The following IFI44 variants were observed in gnomAD, a reference collection of about 807,000 sequenced individuals.
The protein encoded by IFI44 is interferon-induced protein 44.
In IFI44, 42 loss-of-function variants were observed where a neutral mutation model predicts 45.0. That is an observed-to-expected ratio of 0.93 (90% confidence interval 0.73 to 1.21). IFI44 has a LOEUF of 1.21. Ranked by LOEUF, IFI44 falls within the 50% of genes most tolerant of loss-of-function variation. IFI44 has a pLI of 0.00. For synonymous variants in IFI44, 221 were observed against 188.6 expected (o/e 1.17, Z -1.41); for missense variants, 623 against 525.8 (o/e 1.18, Z -1.81).
chr1:78,654,988 TG>T (rs749046582), intron 3 of IFI44, 25 bp from the exon 4 acceptor site: 2 of 1,493,572 alleles, frequency 1.3e-6, no homozygotes, highest in Non-Finnish European at 1.8e-6. Context: ...CTCAGTCAAT[TG>T]TTAAAAACGG....
chr1:78,662,248 G>A (rs915496451), intron 7 of IFI44, among the ~76,000 whole-genome samples: 2 of 152,142 alleles, frequency 1.3e-5, no homozygotes, highest in Non-Finnish European at 2.9e-5. Context: ...CATTTTACAA[G>A]TGAGGAAACA....
In IFI44 at chr1:78,655,032, G is replaced by C. The variant is rs751499879; in HGVS notation, c.513G>C (p.Leu171=). Residue 171 remains leucine (L), a synonymous_variant, in exon 4 of 9, where the codon CTG becomes CTC. Coordinates refer to ENST00000370747, the MANE Select transcript of IFI44 (RefSeq NM_006417.5). ...KGVIELRKSL[L]SALRTYEPYG... is the part of the protein sequence containing the mutation. ...TAAACAGGCTCAGGAAGAGCTTACT[G>C]TCTGCCTTGAGAACTTATGAACCAT... 3 of 1,612,858 alleles carry C rather than the reference G, an allele frequency of 1.9e-6. No homozygotes were observed. The highest frequency in any genetic ancestry group is 1.7e-4 in the Middle Eastern group (1 of 6,008).
chr1:78,654,656 C>T (rs1647179465), intron 3 of IFI44, among the ~76,000 whole-genome samples: 1 of 151,728 alleles, frequency 6.6e-6, no homozygotes, highest in African/African-American at 2.4e-5. Flanking sequence ...CTTTCATGAA[C>T]TTCAGAAGTC....
In IFI44 at chr1:78,660,469, G is replaced by A; in HGVS notation, c.1013-85G>A. 4 of 987,674 alleles carry A rather than the reference G, an allele frequency of 4.0e-6. 1 individual carries two copies. In the South Asian group the frequency reaches 5.9e-5, roughly 15 times the overall value. 61.2% of individuals were successfully genotyped at this position (987,674 alleles called of 1,614,324 possible). ...TTTCCAAATCTGAAATTGTTCCATAGGTTGCCTATTACATAATTGATAGTT... is the reference window on the plus strand; with the variant it reads ...TTTCCAAATCTGAAATTGTTCCATAAGTTGCCTATTACATAATTGATAGTT... On this transcript the variant is annotated intron_variant, in intron 6 of 8. Coordinates refer to ENST00000370747, the MANE Select transcript of IFI44 (RefSeq NM_006417.5).
chr1:78,661,829 A>G (rs1429403443), intron 7 of IFI44, among the ~76,000 whole-genome samples: 5 of 152,190 alleles, frequency 3.3e-5, no homozygotes, highest in Non-Finnish European at 5.9e-5. Flanking sequence ...ATGAAGAGAC[A>G]AAAAGGGCCA....
In IFI44 at chr1:78,663,929, A is replaced by G. The variant is rs1647618268; in HGVS notation, c.*118A>G. ...AAAGGGATGTGTTTTATTAATGTCTAGGATGAAGAAATGCATAGAACATTG... is the reference window on the plus strand; with the variant it reads ...AAAGGGATGTGTTTTATTAATGTCTGGGATGAAGAAATGCATAGAACATTG... On this transcript the variant is annotated 3_prime_UTR_variant, in exon 9 of 9. Coordinates refer to ENST00000370747, the MANE Select transcript of IFI44 (RefSeq NM_006417.5). 7.2e-6 allele frequency: 6 copies of G among 838,942 alleles called. No individual in the cohort carries two copies. Among genetic ancestry groups the G allele is most frequent in the Non-Finnish European group, 1.1e-5 (6 of 554,400 alleles). 52.0% of individuals were successfully genotyped at this position (838,942 alleles called of 1,614,324 possible).
At chr1:78,651,487 C>T (rs1039369552) in intron 2 of IFI44, among the ~76,000 whole-genome samples, 31 of 152,264 alleles carry the variant, frequency 2.0e-4, no homozygotes, top group African/African-American at 7.0e-4. Flanking sequence ...GCTGTAAATA[C>T]AGATGAAGCT....
rs764866795 is a variant in IFI44, at chr1:78,655,321, T to TA, written c.691-35dup. On this transcript the variant is annotated intron_variant, in intron 4 of 8. Transcript: ENST00000370747. ...ATATAGACTTCATCTCAATTTATAATAAAAAATGAATCTTTAAAATTGCTT... is the reference window on the plus strand; with the variant it reads ...ATATAGACTTCATCTCAATTTATAATAAAAAAATGAATCTTTAAAATTGCTT... 2,122 of 1,565,710 alleles carry TA rather than the reference T, an allele frequency of 1.4e-3. 1 individual carries two copies. The highest frequency in any genetic ancestry group is 1.8e-3 in the Admixed American group (92 of 49,760).
chr1:78,662,495 C>T, intron 7 of IFI44: 2 of 529,036 alleles, frequency 3.8e-6, no homozygotes, highest in Non-Finnish European at 3.3e-6. Flanking sequence ...TTAGAATCCA[C>T]TGCATGTATT....
chr1:78,659,586 C>A, intron 6 of IFI44, 103 bp downstream of exon 6: 1 of 842,078 alleles, frequency 1.2e-6, no homozygotes, highest in Non-Finnish European at 1.8e-6. Context: ...TAAGTCATTG[C>A]ATATTTCAAT....
chr1:78,650,107 A>T lies in IFI44; in HGVS notation c.-10-79A>T, dbSNP rs1008437224. On this transcript the variant is annotated intron_variant, in intron 1 of 8. Coordinates refer to ENST00000370747, the MANE Select transcript of IFI44 (RefSeq NM_006417.5). ...TTTTGTATTATGTAGAGTATATAAG[A>T]GGCATAAATGCAAATTTTATAACTA... 3 of 954,724 alleles carry T rather than the reference A, an allele frequency of 3.1e-6. No homozygotes were observed. In the South Asian group the frequency reaches 5.7e-5, roughly 18 times the overall value. The allele number at this position is 954,724 out of a possible 1,614,324, so 59.1% of individuals were successfully genotyped here. A position where few individuals can be genotyped will look rare whatever the true frequency, so the allele number is the denominator to read the frequency against.
chr1:78,663,879 A>T lies in IFI44; in HGVS notation c.*68A>T, dbSNP rs1254649926. ...TTAAAATTCAGAAAGGAGAAAACACAGACCAAAGAGAAGTATCTAAGACCA... is the reference window on the plus strand; with the variant it reads ...TTAAAATTCAGAAAGGAGAAAACACTGACCAAAGAGAAGTATCTAAGACCA... On this transcript the variant is annotated 3_prime_UTR_variant, in exon 9 of 9. Coordinates refer to ENST00000370747, the MANE Select transcript of IFI44 (RefSeq NM_006417.5). 1 of 1,479,954 alleles carries T rather than the reference A, an allele frequency of 6.8e-7. No homozygotes were observed. Among genetic ancestry groups the T allele is most frequent in the African/African-American group, 1.4e-5 (1 of 71,198 alleles). The allele number at this position is 1,479,954 out of a possible 1,614,324, so 91.7% of individuals were successfully genotyped here. A position where few individuals can be genotyped will look rare whatever the true frequency, so the allele number is the denominator to read the frequency against.
chr1:78,655,035 T>C lies in IFI44; in HGVS notation c.516T>C (p.Ser172=). The change falls in exon 4 of 9, where the codon TCT becomes TCC. Residue 172 remains serine (S), a synonymous_variant. Coordinates refer to ENST00000370747, the MANE Select transcript of IFI44 (RefSeq NM_006417.5). ...ACAGGCTCAGGAAGAGCTTACTGTC[T>C]GCCTTGAGAACTTATGAACCATATG... ...GVIELRKSLL[S]ALRTYEPYGS... The C allele has an allele frequency of 6.2e-7, 1 of 1,613,034 alleles. No individual in the cohort carries two copies. Among genetic ancestry groups the C allele is most frequent in the Non-Finnish European group, 8.5e-7 (1 of 1,179,414 alleles).
chr1:78,659,026 C>G (rs1388816280), intron 5 of IFI44, among the ~76,000 whole-genome samples: 1 of 151,966 alleles, frequency 6.6e-6, no homozygotes, highest in African/African-American at 2.4e-5. Context: ...CCTCTCTTAT[C>G]TAGAACACTT....
intron 8 of IFI44, chr1:78,663,306 T>G (rs1647579412): frequency 1.0e-6 from 1 of 985,188 alleles, no homozygotes; most frequent in Admixed American, 6.2e-5. Context: ...TTTCTTTGAC[T>G]TGCCTTTTTG....
chr1:78,659,308 A>T lies in IFI44; in HGVS notation c.841-4A>T, dbSNP rs759925294. The T allele has an allele frequency of 6.2e-7, 1 of 1,605,190 alleles. No homozygotes were observed. Among genetic ancestry groups the T allele is most frequent in the Admixed American group, 1.7e-5 (1 of 59,870 alleles). On this transcript the variant is annotated splice_region_variant and splice_polypyrimidine_tract_variant and intron_variant, in intron 5 of 8. Coordinates refer to ENST00000370747, the MANE Select transcript of IFI44 (RefSeq NM_006417.5). ...TAATATCTTGCTTTATGTCTACCTT[A>T]CAGTTTAATCCCATGGAATCAATCA...
intron 5 of IFI44, among the ~76,000 whole-genome samples, chr1:78,658,718 A>G (rs72935641): frequency 6.6e-6 from 1 of 152,164 alleles, no homozygotes; most frequent in Non-Finnish European, 1.5e-5. Context: ...AACAAAGTAC[A>G]TATAAATTTG....
Position 78,650,267 on chromosome 1 carries a change from T to C in IFI44, c.72T>C (p.Leu24=), listed in dbSNP as rs1268379199. ...ILQNHFGGKR[L]SLLYKGSVHG... is the part of the protein sequence containing the mutation. ...AAAATCATTTTGGAGGGAAGCGGCT[T>C]AGCCTTCTCTATAAGGGTAGTGTCC... The change falls in exon 2 of 9, where the codon CTT becomes CTC. Residue 24 remains leucine, a synonymous_variant. Coordinates refer to ENST00000370747, the MANE Select transcript of IFI44 (RefSeq NM_006417.5). 3 of 1,613,700 alleles carry C rather than the reference T, an allele frequency of 1.9e-6. No individual in the cohort carries two copies. The African/African-American group carries it at 4.0e-5, about 22-fold the overall frequency.
intron 3 of IFI44, among the ~76,000 whole-genome samples, chr1:78,654,680 CTT>C (rs991616295): frequency 2.0e-5 from 3 of 151,574 alleles, no homozygotes; most frequent in Non-Finnish European, 4.4e-5. Flanking sequence ...TATATTGTGA[CTT>C]ATATATATGT....
Sources: gnomAD v4.1 joint callset for allele counts (sites outside exome capture counted in the v4.1 genomes callset) on GRCh38, gnomAD v4.1.1 for gene constraint, MANE v1.5 for transcripts, NCBI Gene and HGNC (gene_info 2026-07-23, HGNC 2026-07-21) for gene names.